SLC24A2: variants seen among roughly 807,000 people sequenced by gnomAD.
The protein encoded by SLC24A2 is sodium/potassium/calcium exchanger 2.
In SLC24A2, 36 loss-of-function variants were observed where a neutral mutation model predicts 62.0. The observed-to-expected ratio is 0.58, with a 90% CI of 0.44 to 0.77. The LOEUF (loss-of-function observed/expected upper bound fraction) is 0.77, where lower values mean the gene tolerates loss of function less well. Ranked by LOEUF, SLC24A2 falls within the 30% of genes least tolerant of loss-of-function variation. SLC24A2 has a pLI of 0.00. For missense variants in SLC24A2, 846 were observed against 817.9 expected, an observed-to-expected ratio of 1.03 and a Z score of -0.42; for synonymous variants, 358 against 294.0, an observed-to-expected ratio of 1.22 and a Z score of -2.23.
chr9:19,881,251 G>A, the SLC24A2 span, among the ~76,000 whole-genome samples: 1 of 152,256 alleles, frequency 6.6e-6, no homozygotes, highest in Non-Finnish European at 1.5e-5. Context: ...TGTAGGAGGA[G>A]GGGAAGAGAC....
the SLC24A2 span, among the ~76,000 whole-genome samples, chr9:20,191,609 C>T: frequency 6.6e-6 from 1 of 151,278 alleles, no homozygotes; most frequent in South Asian, 2.1e-4. Flanking sequence ...CATATGGATC[C>T]ACCAGGGGCC....
chr9:20,077,896 C>A, the SLC24A2 span, among the ~76,000 whole-genome samples: 4 of 152,022 alleles, frequency 2.6e-5, no homozygotes, highest in Admixed American at 2.0e-4. Flanking sequence ...ACATCCCTTC[C>A]CAAGTGACAG....
intron 5 of SLC24A2, among the ~76,000 whole-genome samples, chr9:19,591,104 T>TATCA (rs1836536504): frequency 6.6e-6 from 1 of 152,158 alleles, no homozygotes. Flanking sequence ...TTCTCTTCTC[T>TATCA]ATCAATTAGC....
chr9:20,267,398 T>A, the SLC24A2 span, among the ~76,000 whole-genome samples: 2 of 152,176 alleles, frequency 1.3e-5, no homozygotes, highest in Non-Finnish European at 2.9e-5. Flanking sequence ...TTCAGGTCAG[T>A]GAGTTCAGAA....
chr9:20,276,444 C>G, the SLC24A2 span, among the ~76,000 whole-genome samples: 1 of 152,256 alleles, frequency 6.6e-6, no homozygotes, highest in South Asian at 2.1e-4. Context: ...GGCAGCTCTG[C>G]CCCTGTGGCT....
intron 9 of SLC24A2, among the ~76,000 whole-genome samples, chr9:19,522,137 T>C (rs1383595602): frequency 6.6e-6 from 1 of 152,146 alleles, no homozygotes; most frequent in Non-Finnish European, 1.5e-5. Context: ...GCCTTCAGAG[T>C]AGCTGGGACC....
the SLC24A2 span, among the ~76,000 whole-genome samples, chr9:20,050,220 A>T: frequency 7.2e-6 from 1 of 139,582 alleles, no homozygotes; most frequent in African/African-American, 2.7e-5. Context: ...CCTGGCCAAC[A>T]TGGTGAAACC....
chr9:20,041,582 G>A, the SLC24A2 span, among the ~76,000 whole-genome samples: 1 of 152,222 alleles, frequency 6.6e-6, no homozygotes. Flanking sequence ...GTGGTGGGGA[G>A]GGAGAGAGGG....
intron 7 of SLC24A2, among the ~76,000 whole-genome samples, chr9:19,567,313 G>A (rs549682187): frequency 2.2e-4 from 34 of 151,806 alleles, no homozygotes; most frequent in African/African-American, 6.5e-4. Flanking sequence ...TTGGGAGGCC[G>A]AGGTGGGTGG....
the SLC24A2 span, among the ~76,000 whole-genome samples, chr9:20,149,405 G>A: frequency 1.3e-5 from 2 of 151,954 alleles, no homozygotes; most frequent in Non-Finnish European, 2.9e-5. Context: ...CCATAGGGAT[G>A]ATTTTTTTTC....
At chr9:19,611,696 G>A (rs1423712825) in intron 4 of SLC24A2, among the ~76,000 whole-genome samples, 1 of 152,042 alleles carries the variant, frequency 6.6e-6, no homozygotes, top group African/African-American at 2.4e-5. Flanking sequence ...TGGACTCATG[G>A]GTCAGCAGAC....
chr9:19,704,676 T>C (rs1820457620), intron 2 of SLC24A2, among the ~76,000 whole-genome samples: 1 of 152,114 alleles, frequency 6.6e-6, no homozygotes, highest in African/African-American at 2.4e-5. Context: ...ATTTAATCAA[T>C]GTAACAAGAA....
chr9:20,028,736 G>A, the SLC24A2 span, among the ~76,000 whole-genome samples: 1 of 152,178 alleles, frequency 6.6e-6, no homozygotes, highest in African/African-American at 2.4e-5. Flanking sequence ...CATCTCTTGA[G>A]TACACATCCC....
the SLC24A2 span, among the ~76,000 whole-genome samples, chr9:20,038,632 CAA>C: frequency 1.8e-5 from 2 of 108,668 alleles, no homozygotes; most frequent in Non-Finnish European, 2.0e-5. Context: ...AAGAAACAAA[CAA>C]AAAAAAAAAA....
the SLC24A2 span, among the ~76,000 whole-genome samples, chr9:20,204,815 C>T: frequency 6.8e-6 from 1 of 148,052 alleles, no homozygotes; most frequent in Non-Finnish European, 1.5e-5. Context: ...ATAATCTTGG[C>T]TCACTGCAAG....
chr9:20,034,489 TCTCTCTGTCG>T, the SLC24A2 span, among the ~76,000 whole-genome samples: 2 of 135,752 alleles, frequency 1.5e-5, no homozygotes, highest in South Asian at 5.3e-4. Flanking sequence ...AGACGGAGTC[TCTCTCTGTCG>T]CCCAGGCTGG....
At chr9:19,662,514 G>T (rs2118249803) in intron 2 of SLC24A2, among the ~76,000 whole-genome samples, 1 of 152,238 alleles carries the variant, frequency 6.6e-6, no homozygotes, top group Admixed American at 6.5e-5. Flanking sequence ...TGATCACCAT[G>T]CCCGGTGTTA....
chr9:20,243,209 A>T, the SLC24A2 span, among the ~76,000 whole-genome samples: 17,337 of 151,766 alleles, frequency 0.11, 2,005 homozygotes, highest in East Asian at 0.52. Flanking sequence ...CACAATTTTT[A>T]AAAAAATTAT....
chr9:20,255,484 T>C, the SLC24A2 span, among the ~76,000 whole-genome samples: 1 of 152,200 alleles, frequency 6.6e-6, no homozygotes, highest in Non-Finnish European at 1.5e-5. Flanking sequence ...ACATAGCTCA[T>C]ATCTGTATAC....
Sources: allele counts gnomAD v4.1 joint callset (sites outside exome capture counted in the v4.1 genomes callset), GRCh38; gene constraint gnomAD v4.1.1; transcripts MANE v1.5; gene names NCBI Gene and HGNC (gene_info 2026-07-23, HGNC 2026-07-21).